The following ST3GAL4 variants were observed in gnomAD, a reference collection of about 807,000 sequenced individuals.
ST3GAL4 encodes CMP-N-acetylneuraminate-beta-galactosamide-alpha-2,3-sialyltransferase 4.
In ST3GAL4, 24 loss-of-function variants were observed where a neutral mutation model predicts 42.6. The observed-to-expected ratio is 0.56, with a 90% CI of 0.41 to 0.79. The LOEUF is 0.79. Ranked by LOEUF, ST3GAL4 falls within the 30% of genes least tolerant of loss-of-function variation. ST3GAL4 has a pLI of 0.00. For synonymous variants in ST3GAL4, 135 were observed against 163.2 expected (o/e 0.83, Z 1.32); for missense variants, 311 against 430.8 (o/e 0.72, Z 2.46).
At chr11:126,402,889 T>C (rs1012741724) in intron 1 of ST3GAL4, among the ~76,000 whole-genome samples, 1 of 152,228 alleles carries the variant, frequency 6.6e-6, no homozygotes, top group African/African-American at 2.4e-5. Flanking sequence ...ATTGTCTTCC[T>C]ACCCGGGGGC....
At position 126,407,251 on chromosome 11, in the gene ST3GAL4, G is replaced by C. The variant is rs770146264; in HGVS notation, c.183-1G>C. ...CCCACCCGGCTTTCACCTCTGTGCA[G>C]CTACTCCCGGGATCAGCCCATCTTC... is the stretch of plus-strand genomic sequence containing the variant. On this transcript the variant is annotated splice_acceptor_variant, in intron 4 of 10. Coordinates refer to ENST00000444328, the MANE Select transcript of ST3GAL4 (RefSeq NM_001254757.2). LOFTEE classifies it high-confidence loss of function. 1.2e-6 allele frequency: 2 copies of C among 1,614,064 alleles called. No homozygotes were observed. The highest frequency in any genetic ancestry group is 1.3e-5 in the African/African-American group (1 of 74,930).
At chr11:126,374,029 G>A (rs1047381843) in intron 1 of ST3GAL4, among the ~76,000 whole-genome samples, 5 of 151,906 alleles carry the variant, frequency 3.3e-5, no homozygotes, top group Non-Finnish European at 5.9e-5. Context: ...GCTGGGTGCC[G>A]GGCACTATTG....
intron 1 of ST3GAL4, among the ~76,000 whole-genome samples, chr11:126,362,925 C>T (rs1003283097): frequency 6.6e-6 from 1 of 152,230 alleles, no homozygotes; most frequent in African/African-American, 2.4e-5. Context: ...GAGCACCTCT[C>T]TCCCCACAGG....
In ST3GAL4 at chr11:126,378,223, TAGAA is replaced by T. The variant is rs1200218344; in HGVS notation, c.-61+22384_-61+22387del. Among the ~76,000 whole-genome samples the T allele has an allele frequency of 1.3e-5, 2 of 152,206 alleles. No individual in the cohort carries two copies. The highest frequency in any genetic ancestry group is 2.9e-5 in the Non-Finnish European group (2 of 68,044). On this transcript the variant is annotated intron_variant, in intron 1 of 10. Transcript: ENST00000444328. This position sits in a 1 kb window ranked among gnomAD's most constrained non-coding sequence, Gnocchi z 5.3. ...AAAATGAATAATTCGGTGTTATCGA[TAGAA>T]AGGGTCAAAGTGCATCCTATTACCC...
At chr11:126,371,163 C>CTTATTTTTTTTTT (rs1555082244) in intron 1 of ST3GAL4, among the ~76,000 whole-genome samples, 1 of 59,974 alleles carries the variant, frequency 1.7e-5, no homozygotes, top group Non-Finnish European at 3.0e-5. Context: ...CCCCACATTC[C>CTTATTTTTTTTTT]TTTTTTTTTT....
At position 126,359,089 on chromosome 11, in the gene ST3GAL4, G is replaced by A. The variant is rs1952164412; in HGVS notation, c.-61+3247G>A. Among the ~76,000 whole-genome samples, 1 of 152,118 alleles carries A rather than the reference G, an allele frequency of 6.6e-6. No individual in the cohort carries two copies. The highest frequency in any genetic ancestry group is 1.5e-5 in the Non-Finnish European group (1 of 68,022). On this transcript the variant is annotated intron_variant, in intron 1 of 10. Transcript: ENST00000444328. This position sits in a 1 kb window ranked among gnomAD's most constrained non-coding sequence, Gnocchi z 4.8. ...GGATCTTGCTTTCCTGTTTAGGGGA[G>A]GCAGCCCCAAAGAGTGCTGGGACCA...
chr11:126,380,379 A>G (rs1268584445), intron 1 of ST3GAL4, among the ~76,000 whole-genome samples: 1 of 152,158 alleles, frequency 6.6e-6, no homozygotes, highest in Non-Finnish European at 1.5e-5. Context: ...TCATACATCA[A>G]GACCTTGCAG....
chr11:126,368,798 G>A (rs763752340), intron 1 of ST3GAL4, among the ~76,000 whole-genome samples: 2 of 152,220 alleles, frequency 1.3e-5, no homozygotes, highest in Non-Finnish European at 2.9e-5. Context: ...GCCTTTGCAC[G>A]CTCAGATCTT....
In ST3GAL4 at chr11:126,386,361, C is replaced by G. The variant is rs145412728; in HGVS notation, c.-60-19735C>G. On this transcript the variant is annotated intron_variant, in intron 1 of 10. Coordinates refer to ENST00000444328, the MANE Select transcript of ST3GAL4 (RefSeq NM_001254757.2). This position sits in a 1 kb window ranked among gnomAD's most constrained non-coding sequence, Gnocchi z 4.7. Reference sequence around the variant, plus strand: ...GCCACAGTGCTCGAGTCAGTGCCCTCCCTGCTTGCATTCGGCCCACAGGCC... The same window carrying G: ...GCCACAGTGCTCGAGTCAGTGCCCTGCCTGCTTGCATTCGGCCCACAGGCC... Among the ~76,000 whole-genome samples the G allele has an allele frequency of 6.6e-6, 1 of 152,138 alleles. No homozygotes were observed. Among genetic ancestry groups the G allele is most frequent in the Non-Finnish European group, 1.5e-5 (1 of 68,034 alleles).
rs1384621468 is a variant in ST3GAL4, at chr11:126,376,914, GTTTGATA to G, written c.-61+21078_-61+21084del. 1.3e-5 allele frequency: 2 copies of G among 152,190 alleles called. No individual in the cohort carries two copies. Among genetic ancestry groups the G allele is most frequent in the Non-Finnish European group, 2.9e-5 (2 of 68,028 alleles). The allele number at this position is 152,190 out of a possible 1,614,324, so 9.4% of individuals were successfully genotyped here. A position where few individuals can be genotyped will look rare whatever the true frequency, so the allele number is the denominator to read the frequency against. Reference sequence around the variant, plus strand: ...AAGTTGAATGATCCTCATGGTAACTGTTTGATATTTGAGCAGCTGTTGGAAATCATTT... The same window carrying G: ...AAGTTGAATGATCCTCATGGTAACTGTTTGAGCAGCTGTTGGAAATCATTT... On this transcript the variant is annotated intron_variant, in intron 1 of 10. Coordinates refer to ENST00000444328, the MANE Select transcript of ST3GAL4 (RefSeq NM_001254757.2). The surrounding 1 kb of genome is among the most constrained non-coding windows in gnomAD (Gnocchi z 5.1).
At chr11:126,369,762 A>G (rs1022992710) in intron 1 of ST3GAL4, among the ~76,000 whole-genome samples, 2 of 152,216 alleles carry the variant, frequency 1.3e-5, no homozygotes, top group African/African-American at 4.8e-5. Context: ...ACAGTTAAGC[A>G]GTACAAATGG....
chr11:126,403,561 G>C lies in ST3GAL4; in HGVS notation c.-60-2535G>C, dbSNP rs539407802. On this transcript the variant is annotated intron_variant, in intron 1 of 10. Coordinates refer to ENST00000444328, the MANE Select transcript of ST3GAL4 (RefSeq NM_001254757.2). ...CCCTAACCAATTAAATAAACATCTCGGAGAGTGGGGCCTAGACTTTATATG... is the reference window on the plus strand; with the variant it reads ...CCCTAACCAATTAAATAAACATCTCCGAGAGTGGGGCCTAGACTTTATATG... 360 of 494,686 alleles carry C rather than the reference G, an allele frequency of 7.3e-4. 1 individual carries two copies. The highest frequency in any genetic ancestry group is 5.6e-3 in the African/African-American group (264 of 47,490). The allele number at this position is 494,686 out of a possible 1,614,324, so 30.6% of individuals were successfully genotyped here. A position where few individuals can be genotyped will look rare whatever the true frequency, so the allele number is the denominator to read the frequency against.
Position 126,414,140 on chromosome 11 carries a change from C to T in ST3GAL4, c.*93C>T, listed in dbSNP as rs1292592078. 8 of 1,202,648 alleles carry T rather than the reference C, an allele frequency of 6.7e-6. No individual in the cohort carries two copies. In the Admixed American group the frequency reaches 1.4e-4, roughly 21 times the overall value. The allele number at this position is 1,202,648 out of a possible 1,614,324, so 74.5% of individuals were successfully genotyped here. A position where few individuals can be genotyped will look rare whatever the true frequency, so the allele number is the denominator to read the frequency against. ...GGGGGTGGCTGGTGCCAGTATGACC[C>T]ACTTGGACTCACCCCCTCTTGGGGA... On this transcript the variant is annotated 3_prime_UTR_variant, in exon 11 of 11. Transcript: ENST00000444328.
rs1953872709 is a variant in ST3GAL4, at chr11:126,398,521, C to T, written c.-60-7575C>T. 6.6e-6 allele frequency among the ~76,000 whole-genome samples: 1 copy of T among 152,214 alleles called. No individual in the cohort carries two copies. Among genetic ancestry groups the T allele is most frequent in the South Asian group, 2.1e-4 (1 of 4,830 alleles). On this transcript the variant is annotated intron_variant, in intron 1 of 10. Transcript: ENST00000444328. This position sits in a 1 kb window ranked among gnomAD's most constrained non-coding sequence, Gnocchi z 4.7. ...AGCTCCCCCAGGTTGCTGTTGCACA[C>T]TGGTAGCTCTGCAGTTCTGGGGTGT...
At position 126,371,163 on chromosome 11, in the gene ST3GAL4, C is replaced by CTTATTTTTTTTTTTTTTTTTTT. The variant is rs1555082244; in HGVS notation, c.-61+15323_-61+15324insATTTTTTTTTTTTTTTTTTTTT. ...ATCTATTCTATTCTTCCCCACATTCCTTTTTTTTTTTTTTTTTTTGAGATG... is the reference window on the plus strand; with the variant it reads ...ATCTATTCTATTCTTCCCCACATTCCTTATTTTTTTTTTTTTTTTTTTTTTTTTTTTTTTTTTTTTTGAGATG... On this transcript the variant is annotated intron_variant, in intron 1 of 10. Coordinates refer to ENST00000444328, the MANE Select transcript of ST3GAL4 (RefSeq NM_001254757.2). 7.8e-4 allele frequency among the ~76,000 whole-genome samples: 47 copies of CTTATTTTTTTTTTTTTTTTTTT among 59,962 alleles called. 6 individuals are homozygous for CTTATTTTTTTTTTTTTTTTTTT. The highest frequency in any genetic ancestry group is 1.1e-3 in the Non-Finnish European group (37 of 32,962). 39.3% of individuals were successfully genotyped at this position (59,962 alleles called of 152,430 possible).
In ST3GAL4 at chr11:126,406,824, A is replaced by T; in HGVS notation, c.102-119A>T. The T allele has an allele frequency of 9.6e-7, 1 of 1,037,106 alleles. No homozygotes were observed. Among genetic ancestry groups the T allele is most frequent in the Non-Finnish European group, 1.5e-6 (1 of 684,848 alleles). 64.2% of individuals were successfully genotyped at this position (1,037,106 alleles called of 1,614,324 possible). A position where few individuals can be genotyped will look rare whatever the true frequency, so the allele number is the denominator to read the frequency against. On this transcript the variant is annotated intron_variant, in intron 3 of 10. Transcript: ENST00000444328. This position sits in a 1 kb window ranked among gnomAD's most constrained non-coding sequence, Gnocchi z 5.4. ...TGGGTTCCAAGTGGAACTTAACTTG[A>T]GATGATTCCTCCCCGGCACCTTGGG...
At position 126,381,311 on chromosome 11, in the gene ST3GAL4, C is replaced by T. The variant is rs557051502; in HGVS notation, c.-60-24785C>T. Among the ~76,000 whole-genome samples the T allele has an allele frequency of 2.7e-4, 41 of 152,306 alleles. 1 individual carries two copies. The South Asian group carries it at 7.5e-3, about 28-fold the overall frequency. The stretch of plus-strand genomic sequence containing the variant: ...GTGTAGGGGTTCCCTGCCTGGAGTC[C>T]CAACCCTGCAGGATGGAGAAAATGG... On this transcript the variant is annotated intron_variant, in intron 1 of 10. Coordinates refer to ENST00000444328, the MANE Select transcript of ST3GAL4 (RefSeq NM_001254757.2).
chr11:126,357,471 C>T (rs977657993), intron 1 of ST3GAL4, among the ~76,000 whole-genome samples: 1 of 152,156 alleles, frequency 6.6e-6, no homozygotes, highest in Non-Finnish European at 1.5e-5. Context: ...ACAGGGCCGC[C>T]TTCTCTGTGA....
chr11:126,361,306 A>C (rs1952232864), intron 1 of ST3GAL4, among the ~76,000 whole-genome samples: 1 of 151,388 alleles, frequency 6.6e-6, no homozygotes, highest in African/African-American at 2.4e-5. Flanking sequence ...TTCCTTGTAC[A>C]TATTGCGTTT....
Sources: allele counts gnomAD v4.1 joint callset (sites outside exome capture counted in the v4.1 genomes callset), GRCh38; gene constraint gnomAD v4.1.1; non-coding constraint Gnocchi (gnomAD v3.1); transcripts MANE v1.5; gene names NCBI Gene and HGNC (gene_info 2026-07-23, HGNC 2026-07-21).